The following TP53BP2 variants were observed in gnomAD, a reference collection of about 807,000 sequenced individuals.
The protein encoded by TP53BP2 is apoptosis-stimulating of p53 protein 2.
In TP53BP2, 62 loss-of-function variants were observed where a neutral mutation model predicts 126.2. The observed-to-expected ratio is 0.49, with a 90% confidence interval of 0.40 to 0.61. The LOEUF (loss-of-function observed/expected upper bound fraction) is 0.61, where lower values mean the gene tolerates loss of function less well. Ranked by LOEUF, TP53BP2 falls within the 20% of genes least tolerant of loss-of-function variation. TP53BP2 has a pLI of 0.00. For synonymous variants in TP53BP2, 485 were observed against 502.9 expected (o/e 0.96, Z 0.48); for missense variants, 1,215 against 1,402.8 (o/e 0.87, Z 2.14).
chr1:223,783,629 CAGG>C (rs1661847449), intron 17 of TP53BP2, among the ~76,000 whole-genome samples: 1 of 152,150 alleles, frequency 6.6e-6, no homozygotes, highest in Non-Finnish European at 1.5e-5. Context: ...GAAAATACTC[CAGG>C]AGAATCTTTA....
chr1:223,837,444 A>G (rs1370245965), intron 1 of TP53BP2, among the ~76,000 whole-genome samples: 2 of 152,014 alleles, frequency 1.3e-5, no homozygotes, highest in Non-Finnish European at 2.9e-5. Flanking sequence ...TACAGGAGTG[A>G]TCTTCCACCA....
At chr1:223,830,817 G>A (rs942093197) in intron 1 of TP53BP2, among the ~76,000 whole-genome samples, 6 of 152,106 alleles carry the variant, frequency 3.9e-5, no homozygotes, top group Admixed American at 6.6e-5. Context: ...ATGTACCATC[G>A]GCCGGGCACA....
At position 223,828,748 on chromosome 1, in the gene TP53BP2, T is replaced by C. The variant is rs369359005; in HGVS notation, c.28-7381A>G. On this transcript the variant is annotated intron_variant, in intron 1 of 17. Coordinates refer to ENST00000343537, the MANE Select transcript of TP53BP2 (RefSeq NM_001031685.3). ...GCCAGACATGAAAGACCACATAGCA[T>C]ATAATTCCATTTATATGAAATGTCT... Among the ~76,000 whole-genome samples, 6 of 152,300 alleles carry C rather than the reference T, an allele frequency of 3.9e-5. No homozygotes were observed. The East Asian group carries it at 7.7e-4, about 20-fold the overall frequency.
At chr1:223,845,172 G>C in intron 1 of TP53BP2, 1 of 882,928 alleles carries the variant, frequency 1.1e-6, no homozygotes, top group Non-Finnish European at 1.4e-6. Flanking sequence ...AAAGAGGTAA[G>C]GGTGACTTAG....
chr1:223,845,271 G>A (rs1035202053), intron 1 of TP53BP2: 17 of 984,798 alleles, frequency 1.7e-5, no homozygotes, highest in Non-Finnish European at 2.0e-5. Flanking sequence ...CCAGTAAAAA[G>A]TAAAAAGACA....
At position 223,831,466 on chromosome 1, in the gene TP53BP2, T is replaced by TAA. The variant is rs1157082703; in HGVS notation, c.28-10101_28-10100dup. Among the ~76,000 whole-genome samples, 123 of 43,612 alleles carry TAA rather than the reference T, an allele frequency of 2.8e-3. 1 individual carries two copies. Among genetic ancestry groups the TAA allele is most frequent in the South Asian group, 0.015 (16 of 1,064 alleles). 28.6% of individuals were successfully genotyped at this position (43,612 alleles called of 152,430 possible). On this transcript the variant is annotated intron_variant, in intron 1 of 17. Coordinates refer to ENST00000343537, the MANE Select transcript of TP53BP2 (RefSeq NM_001031685.3). ...CACATGCACACACATATGTACCATC[T>TAA]AAAAAAAAAAAAAAATATATATATA...
chr1:223,785,482 C>CA (rs1661921862), intron 16 of TP53BP2, among the ~76,000 whole-genome samples: 1 of 152,174 alleles, frequency 6.6e-6, no homozygotes, highest in African/African-American at 2.4e-5. Flanking sequence ...TTAAAATGGC[C>CA]ACAGTGTCTG....
chr1:223,836,586 T>C (rs780117710), intron 1 of TP53BP2, among the ~76,000 whole-genome samples: 8 of 152,172 alleles, frequency 5.3e-5, no homozygotes, highest in Non-Finnish European at 8.8e-5. Flanking sequence ...GGAACAGAGG[T>C]CAGACTTGAA....
intron 15 of TP53BP2, among the ~76,000 whole-genome samples, chr1:223,790,609 CTTTTTTTT>C (rs35994805): frequency 2.9e-5 from 4 of 137,128 alleles, no homozygotes; most frequent in African/African-American, 1.1e-4. Flanking sequence ...TTCCAGATCA[CTTTTTTTT>C]TTTTTTTTTG....
chr1:223,830,316 G>C (rs1008756122), intron 1 of TP53BP2, among the ~76,000 whole-genome samples: 4 of 152,186 alleles, frequency 2.6e-5, no homozygotes, highest in African/African-American at 9.7e-5. Flanking sequence ...GAGCATTTCA[G>C]ATTTCAGATT....
At chr1:223,842,976 G>A (rs1664152452) in intron 1 of TP53BP2, among the ~76,000 whole-genome samples, 1 of 152,208 alleles carries the variant, frequency 6.6e-6, no homozygotes, top group African/African-American at 2.4e-5. Flanking sequence ...GAAAGTGAGA[G>A]TAATTATCAA....
chr1:223,809,515 C>A (rs192793644), intron 4 of TP53BP2, among the ~76,000 whole-genome samples: 262 of 151,220 alleles, frequency 1.7e-3, no homozygotes, highest in African/African-American at 5.0e-3. Flanking sequence ...TGCAGTGAGC[C>A]GAGATCACAC....
Position 223,784,142 on chromosome 1 carries a change from C to T in TP53BP2, c.3336G>A (p.Glu1112=), listed in dbSNP as rs756416319. ...EWWWARLNDK[E]GYVPRNLLGL... ...CCAGCAAGTTACGTGGAACATATCC[C>T]TCCTTATCATTAAGGCGCGCCCACC... The change falls in exon 17 of 18, where the codon GAG becomes GAA. Residue 1112 remains glutamate, a synonymous_variant. Coordinates refer to ENST00000343537, the MANE Select transcript of TP53BP2 (RefSeq NM_001031685.3). 1.5e-5 allele frequency: 24 copies of T among 1,614,092 alleles called. No individual in the cohort carries two copies. The highest frequency in any genetic ancestry group is 4.0e-5 in the African/African-American group (3 of 74,928).
At chr1:223,798,798 G>A (rs1181007141) in intron 11 of TP53BP2, 121 bp from the exon 12 acceptor site, 1 of 904,282 alleles carries the variant, frequency 1.1e-6, no homozygotes, top group Non-Finnish European at 1.6e-6. Context: ...CTGGCCGGGT[G>A]CAGGGGCTCA....
chr1:223,813,999 A>G (rs751243609), intron 3 of TP53BP2, among the ~76,000 whole-genome samples: 15 of 152,082 alleles, frequency 9.9e-5, no homozygotes, highest in Non-Finnish European at 2.2e-4. Context: ...CTAATCAGGG[A>G]CCCTGCCTAA....
chr1:223,831,760 TAA>T (rs11327599), intron 1 of TP53BP2, among the ~76,000 whole-genome samples: 30,545 of 121,498 alleles, frequency 0.25, 5,637 homozygotes, highest in African/African-American at 0.51. Flanking sequence ...GAAGGAAAGA[TAA>T]AAAAAAAAAA....
chr1:223,815,814 T>C (rs1032410591), intron 2 of TP53BP2, among the ~76,000 whole-genome samples: 2 of 152,250 alleles, frequency 1.3e-5, no homozygotes, highest in African/African-American at 4.8e-5. Context: ...TACACAAATA[T>C]GTACCACTGT....
intron 16 of TP53BP2, among the ~76,000 whole-genome samples, chr1:223,788,382 C>T (rs1260648762): frequency 6.6e-6 from 1 of 152,130 alleles, no homozygotes; most frequent in Non-Finnish European, 1.5e-5. Context: ...GGAAAATTTA[C>T]CTCAACTTCT....
intron 2 of TP53BP2, among the ~76,000 whole-genome samples, chr1:223,818,653 C>T (rs2102870582): frequency 6.6e-6 from 1 of 150,978 alleles, no homozygotes; most frequent in African/African-American, 2.4e-5. Flanking sequence ...CAGCTCATTG[C>T]AACCTCTGCC....
Sources: allele counts gnomAD v4.1 joint callset (sites outside exome capture counted in the v4.1 genomes callset), GRCh38; gene constraint gnomAD v4.1.1; transcripts MANE v1.5; gene names NCBI Gene and HGNC (gene_info 2026-07-23, HGNC 2026-07-21).